Variants in CCND3 observed in about 807,000 individuals in gnomAD.
The protein encoded by CCND3 is cyclin D3.
A neutral mutation model predicts 28.7 loss-of-function variants in CCND3; 9 were observed. That is an observed-to-expected ratio of 0.31 (90% CI 0.19 to 0.55). The LOEUF is 0.55. CCND3 is among the 20% of genes least tolerant of loss of function. CCND3 has a pLI of 0.93. For missense variants in CCND3, 315 were observed against 385.8 expected, an observed-to-expected ratio of 0.82 and a Z score of 1.54; for synonymous variants, 164 against 163.9, an observed-to-expected ratio of 1.00 and a Z score of 0.00.
intron 1 of CCND3, among the ~76,000 whole-genome samples, chr6:41,984,592 C>A (rs756667692): frequency 6.6e-6 from 1 of 152,180 alleles, no homozygotes; most frequent in African/African-American, 2.4e-5. Context: ...AGGTGATACA[C>A]CTGCCTCGGC....
chr6:42,046,431 T>A (rs919422062), intron 1 of CCND3, among the ~76,000 whole-genome samples: 2 of 152,198 alleles, frequency 1.3e-5, no homozygotes, highest in African/African-American at 4.8e-5. Context: ...GGAATGCACA[T>A]CTAGAATGTG....
intron 1 of CCND3, among the ~76,000 whole-genome samples, chr6:41,947,377 G>A (rs1776197163): frequency 6.6e-6 from 1 of 152,188 alleles, no homozygotes; most frequent in African/African-American, 2.4e-5. Context: ...AACACCACAA[G>A]GATGTCCGAT....
At chr6:41,964,168 G>A (rs1034774328) in intron 1 of CCND3, among the ~76,000 whole-genome samples, 1 of 152,236 alleles carries the variant, frequency 6.6e-6, no homozygotes, top group African/African-American at 2.4e-5. Flanking sequence ...CTGAGAGCAT[G>A]CCACATACCA....
At chr6:41,981,972 TA>T (rs1388162938) in intron 1 of CCND3, among the ~76,000 whole-genome samples, 1 of 151,170 alleles carries the variant, frequency 6.6e-6, no homozygotes, top group Non-Finnish European at 1.5e-5. Context: ...CCTATCTCTT[TA>T]AAAAAGTCAA....
chr6:42,040,291 G>A (rs917134539), intron 1 of CCND3, among the ~76,000 whole-genome samples: 2 of 152,126 alleles, frequency 1.3e-5, no homozygotes, highest in Non-Finnish European at 2.9e-5. Flanking sequence ...GGTGGTGGGA[G>A]CCTGTAATCC....
intron 1 of CCND3, among the ~76,000 whole-genome samples, chr6:41,969,694 C>T (rs533250737): frequency 2.0e-5 from 3 of 152,180 alleles, no homozygotes; most frequent in Non-Finnish European, 4.4e-5. Flanking sequence ...CGAGATGGCA[C>T]CACTGCACTC....
intron 1 of CCND3, among the ~76,000 whole-genome samples, chr6:41,977,139 T>C (rs1762208099): frequency 6.6e-6 from 1 of 152,192 alleles, no homozygotes; most frequent in African/African-American, 2.4e-5. Flanking sequence ...CAGAGGCACC[T>C]AATTCAACCT....
At chr6:41,981,658 A>G (rs1396392770) in intron 1 of CCND3, among the ~76,000 whole-genome samples, 1 of 151,712 alleles carries the variant, frequency 6.6e-6, no homozygotes, top group Non-Finnish European at 1.5e-5. Flanking sequence ...TGAGTAGCTG[A>G]GATTACAGGC....
At chr6:41,999,437 T>C (rs1426565980) in intron 1 of CCND3, among the ~76,000 whole-genome samples, 1 of 151,478 alleles carries the variant, frequency 6.6e-6, no homozygotes, top group East Asian at 2.0e-4. Flanking sequence ...TCAGTAGAGA[T>C]GGGTGATCCA....
At chr6:41,967,328 A>T (rs1051515250) in intron 1 of CCND3, among the ~76,000 whole-genome samples, 1 of 152,206 alleles carries the variant, frequency 6.6e-6, no homozygotes, top group African/African-American at 2.4e-5. Flanking sequence ...GAATGCTTGA[A>T]TGAAAAATTA....
intron 1 of CCND3, among the ~76,000 whole-genome samples, chr6:41,965,017 G>A (rs1016149306): frequency 1.3e-5 from 2 of 148,780 alleles, no homozygotes; most frequent in African/African-American, 5.0e-5. Flanking sequence ...GAATCCAAGT[G>A]GAAGAACAGA....
At position 41,937,342 on chromosome 6, in the gene CCND3, A is replaced by G. The variant is rs781308576; in HGVS notation, c.467T>C (p.Ile156Thr). 2 of 1,614,146 alleles carry G rather than the reference A, an allele frequency of 1.2e-6. No homozygotes were observed. The highest frequency in any genetic ancestry group is 1.1e-5 in the South Asian group (1 of 91,084). Residue 156 changes from isoleucine to threonine, a missense_variant, in exon 3 of 5, where the codon ATT (isoleucine) becomes ACT (threonine). Coordinates refer to ENST00000372991, the MANE Select transcript of CCND3 (RefSeq NM_001760.5). ...GKLKWDLAAV[I>T]AHDFLAFILH... ...AATGAAGGCCAGGAAATCATGTGCA[A>G]TCACAGCAGCCAGGTCCCACTTGAG... is the stretch of plus-strand genomic sequence containing the variant.
intron 1 of CCND3, among the ~76,000 whole-genome samples, chr6:42,027,804 A>G (rs1482475406): frequency 6.6e-6 from 1 of 151,904 alleles, no homozygotes; most frequent in Admixed American, 6.6e-5. Context: ...CTGGAGGGCA[A>G]TGGCTCAATC....
intron 1 of CCND3, among the ~76,000 whole-genome samples, chr6:41,978,753 G>C (rs1017081637): frequency 6.6e-6 from 1 of 152,022 alleles, no homozygotes; most frequent in Admixed American, 6.6e-5. Flanking sequence ...ATTACTATTG[G>C]TCATCTCTAT....
chr6:41,964,356 G>A (rs1261136025), intron 1 of CCND3, among the ~76,000 whole-genome samples: 2 of 147,288 alleles, frequency 1.4e-5, no homozygotes, highest in Middle Eastern at 6.9e-3. Context: ...GTGTGAGTCT[G>A]TGTGTGTATG....
intron 1 of CCND3, among the ~76,000 whole-genome samples, chr6:42,028,346 G>A (rs1160631479): frequency 2.0e-5 from 3 of 152,168 alleles, no homozygotes; most frequent in Non-Finnish European, 4.4e-5. Flanking sequence ...GAGAGGAGTG[G>A]GTTCGGCGAT....
chr6:42,007,100 G>GTA (rs1008324380), intron 1 of CCND3, among the ~76,000 whole-genome samples: 2 of 151,916 alleles, frequency 1.3e-5, no homozygotes, highest in African/African-American at 4.8e-5. Flanking sequence ...ATACACACAT[G>GTA]TATATATATA....
chr6:41,988,669 A>G (rs1387402209), intron 1 of CCND3, among the ~76,000 whole-genome samples: 3 of 151,364 alleles, frequency 2.0e-5, no homozygotes, highest in African/African-American at 4.8e-5. Flanking sequence ...ATGATTTATG[A>G]AAAAATAATT....
At chr6:42,004,169 C>T (rs144299688) in intron 1 of CCND3, among the ~76,000 whole-genome samples, 4,521 of 149,340 alleles carry the variant, frequency 0.03, 132 homozygotes, top group Admixed American at 0.085. Flanking sequence ...GATCCTGGCT[C>T]GCTGCAACCT....
Sources: allele counts gnomAD v4.1 joint callset (sites outside exome capture counted in the v4.1 genomes callset), GRCh38; gene constraint gnomAD v4.1.1; transcripts MANE v1.5; gene names NCBI Gene and HGNC (gene_info 2026-07-23, HGNC 2026-07-21).